Variants in TSHR observed in about 807,000 individuals in gnomAD.
TSHR encodes the protein thyrotropin receptor.
A neutral mutation model predicts 64.1 loss-of-function variants in TSHR; 51 were observed. The ratio of observed to expected loss-of-function variants is 0.80; its 90% confidence interval spans 0.64 to 1.01. The LOEUF (loss-of-function observed/expected upper bound fraction) is 1.01. Ranked by LOEUF, TSHR falls within the 50% of genes least tolerant of loss-of-function variation. The pLI is 0.00. For missense variants in TSHR, 877 were observed against 942.8 expected (o/e 0.93, Z 0.91); for synonymous variants, 361 against 361.9 (o/e 1.00, Z 0.03).
At chr14:81,082,612 G>C (rs992805660) in intron 3 of TSHR, among the ~76,000 whole-genome samples, 1 of 152,268 alleles carries the variant, frequency 6.6e-6, no homozygotes, top group Non-Finnish European at 1.5e-5. Context: ...GCATTTAAAA[G>C]TAAACGGGAA....
At chr14:81,087,932 G>C in intron 3 of TSHR, 22 bp from the exon 4 acceptor site, 1 of 1,543,170 alleles carries the variant, frequency 6.5e-7, no homozygotes, top group Non-Finnish European at 9.0e-7. Flanking sequence ...TATAGTGACT[G>C]TGTTCCTTGT....
chr14:80,977,780 C>T (rs1295855401), intron 1 of TSHR, among the ~76,000 whole-genome samples: 1 of 152,262 alleles, frequency 6.6e-6, no homozygotes, highest in Admixed American at 6.5e-5. Flanking sequence ...GATACATGGG[C>T]GAAGCAATCT....
In TSHR at chr14:81,092,523, T is replaced by C; in HGVS notation, c.468-8T>C. The C allele has an allele frequency of 1.9e-6, 3 of 1,614,020 alleles. No individual in the cohort carries two copies. Among genetic ancestry groups the C allele is most frequent in the African/African-American group, 1.3e-5 (1 of 75,046 alleles). ...TTCATTAAGTGTTTTTGTCCCTCTC[T>C]CTTGCAGTGAAATTACAGACAACCC... On this transcript the variant is annotated splice_polypyrimidine_tract_variant and splice_region_variant and intron_variant, in intron 5 of 9. Coordinates refer to ENST00000298171, the MANE Select transcript of TSHR (RefSeq NM_000369.5).
At chr14:80,966,406 C>T (rs1887299943) in intron 1 of TSHR, among the ~76,000 whole-genome samples, 2 of 151,922 alleles carry the variant, frequency 1.3e-5, no homozygotes, top group South Asian at 2.1e-4. Flanking sequence ...TTTGAGATGA[C>T]CAGAAATACT....
intron 1 of TSHR, among the ~76,000 whole-genome samples, chr14:80,978,855 T>G (rs1370703446): frequency 6.6e-6 from 1 of 152,212 alleles, no homozygotes; most frequent in Non-Finnish European, 1.5e-5. Context: ...TAAATGATGC[T>G]GGATGGTTTT....
At chr14:81,130,520 C>A (rs1891193483) in intron 8 of TSHR, among the ~76,000 whole-genome samples, 1 of 152,188 alleles carries the variant, frequency 6.6e-6, no homozygotes. Flanking sequence ...TCTTCTTCTT[C>A]TTCTTCCTGA....
At chr14:81,070,354 C>T (rs77425375) in intron 3 of TSHR, among the ~76,000 whole-genome samples, 14,670 of 152,030 alleles carry the variant, frequency 0.096, 1,024 homozygotes, top group East Asian at 0.3. Context: ...CAAGGCTGGG[C>T]GCGCTGGCTC....
intron 2 of TSHR, 74 bp from the exon 3 acceptor site, chr14:81,068,180 T>C (rs1326597669): frequency 2.0e-5 from 29 of 1,427,692 alleles, no homozygotes; most frequent in South Asian, 7.0e-5. Context: ...CAAAAAGTTA[T>C]GTCAAAAATA....
intron 6 of TSHR, among the ~76,000 whole-genome samples, chr14:81,094,043 A>T (rs1041486748): frequency 6.6e-6 from 1 of 152,092 alleles, no homozygotes; most frequent in Non-Finnish European, 1.5e-5. Flanking sequence ...GAAACATCTG[A>T]GTGAGGGAAG....
intron 1 of TSHR, among the ~76,000 whole-genome samples, chr14:81,061,946 T>C (rs1218732193): frequency 6.6e-6 from 1 of 152,206 alleles, no homozygotes; most frequent in Admixed American, 6.5e-5. Flanking sequence ...TGCATCTGAA[T>C]CTAACAATTC....
intron 2 of TSHR, among the ~76,000 whole-genome samples, chr14:81,064,738 C>CA (rs1886486070): frequency 6.6e-6 from 1 of 151,944 alleles, no homozygotes; most frequent in African/African-American, 2.4e-5. Context: ...TGGGGGCACT[C>CA]AGGGGAGAGA....
intron 8 of TSHR, 135 bp downstream of exon 8, chr14:81,108,587 A>G (rs2140032222): frequency 1.1e-5 from 18 of 1,613,284 alleles, no homozygotes; most frequent in Non-Finnish European, 1.5e-5. Flanking sequence ...GGCTTCTGCA[A>G]GTCCCTCTTT....
intron 1 of TSHR, chr14:80,993,844 T>C (rs1367362862): frequency 2.0e-5 from 3 of 146,656 alleles, no homozygotes; most frequent in Non-Finnish European, 4.5e-5. Flanking sequence ...AAAACAGGAT[T>C]AAAAAAAAAA....
chr14:81,090,465 T>C (rs1253956142), intron 4 of TSHR, among the ~76,000 whole-genome samples: 2 of 152,204 alleles, frequency 1.3e-5, no homozygotes, highest in Non-Finnish European at 2.9e-5. Context: ...AGTCTTGAAT[T>C]CCTGGACTCA....
Position 81,068,220 on chromosome 14 carries a change from T to C in TSHR, c.243-34T>C, listed in dbSNP as rs188153654. The C allele has an allele frequency of 3.9e-4, 621 of 1,605,136 alleles. 2 individuals carry two copies. Among genetic ancestry groups the C allele is most frequent in the Admixed American group, 1.3e-3 (80 of 59,918 alleles). ...GTTTGAAGTTTACAACCTTACTAACTTTCTACTTTGTCTTATATTTTTCTG... is the reference window on the plus strand; with the variant it reads ...GTTTGAAGTTTACAACCTTACTAACCTTCTACTTTGTCTTATATTTTTCTG... On this transcript the variant is annotated intron_variant, in intron 2 of 9. Coordinates refer to ENST00000298171, the MANE Select transcript of TSHR (RefSeq NM_000369.5).
chr14:80,955,951 T>G (rs1183391683), intron 1 of TSHR, 101 bp downstream of exon 1: 4 of 1,373,308 alleles, frequency 2.9e-6, no homozygotes, highest in Non-Finnish European at 4.1e-6. Flanking sequence ...CCCGAAGTAG[T>G]GTGTGAGTGT....
chr14:81,011,343 T>C (rs951003365), intron 1 of TSHR, among the ~76,000 whole-genome samples: 8 of 152,230 alleles, frequency 5.3e-5, no homozygotes, highest in African/African-American at 1.9e-4. Context: ...ACAAAAATAA[T>C]AATTTATTCA....
intron 1 of TSHR, among the ~76,000 whole-genome samples, chr14:81,020,258 G>T (rs1883674438): frequency 6.6e-6 from 1 of 152,186 alleles, no homozygotes; most frequent in Admixed American, 6.5e-5. Flanking sequence ...TGGGGAATTA[G>T]CAATTCCTTT....
chr14:80,963,998 A>C (rs1453860131), intron 1 of TSHR, among the ~76,000 whole-genome samples: 1 of 152,208 alleles, frequency 6.6e-6, no homozygotes, highest in South Asian at 2.1e-4. Context: ...CTATTAGACC[A>C]TGAAGTCCAG....
Sources: gnomAD v4.1 joint callset for allele counts (sites outside exome capture counted in the v4.1 genomes callset) on GRCh38, gnomAD v4.1.1 for gene constraint, MANE v1.5 for transcripts, NCBI Gene and HGNC (gene_info 2026-07-23, HGNC 2026-07-21) for gene names.